The following OPCML variants were observed in gnomAD, a reference collection of about 807,000 sequenced individuals.
OPCML encodes opioid-binding protein/cell adhesion molecule.
In OPCML, 13 loss-of-function variants were observed where a neutral mutation model predicts 37.8. That is an observed-to-expected ratio of 0.34 (90% CI 0.22 to 0.55). OPCML has a LOEUF of 0.55. Among genes scored for constraint, OPCML ranks in the 20% least tolerant of loss-of-function variants. The pLI is 0.91. For missense variants in OPCML, 341 were observed against 435.6 expected (o/e 0.78, Z 1.93); for synonymous variants, 176 against 168.8 (o/e 1.04, Z -0.33).
intron 1 of OPCML, among the ~76,000 whole-genome samples, chr11:133,519,404 G>T (rs969767892): frequency 3.3e-5 from 5 of 152,194 alleles, no homozygotes; most frequent in Admixed American, 6.5e-5. Context: ...GGTGAAGCAA[G>T]TCCTACAGCA....
chr11:132,584,750 A>C (rs371153255), intron 3 of OPCML, among the ~76,000 whole-genome samples: 35 of 152,350 alleles, frequency 2.3e-4, no homozygotes, highest in South Asian at 2.3e-3. Flanking sequence ...AACTTTAGAC[A>C]AGTTAAATGT....
At chr11:133,080,301 G>A (rs1425872706) in intron 1 of OPCML, among the ~76,000 whole-genome samples, 1 of 152,102 alleles carries the variant, frequency 6.6e-6, no homozygotes, top group East Asian at 1.9e-4. Context: ...TGGTAGGTCT[G>A]GGATGATGCC....
chr11:133,233,890 G>A (rs1423047966), intron 1 of OPCML, among the ~76,000 whole-genome samples: 1 of 152,176 alleles, frequency 6.6e-6, no homozygotes, highest in Non-Finnish European at 1.5e-5. Flanking sequence ...GGTCCATGGA[G>A]CATCCCCCAC....
chr11:133,081,591 A>G (rs1371517032), intron 1 of OPCML, among the ~76,000 whole-genome samples: 1 of 152,160 alleles, frequency 6.6e-6, no homozygotes, highest in African/African-American at 2.4e-5. Context: ...GAGATGACAG[A>G]CGGAGGCTTC....
intron 2 of OPCML, among the ~76,000 whole-genome samples, chr11:132,692,863 A>G (rs749388705): frequency 3.3e-5 from 5 of 152,226 alleles, no homozygotes. Flanking sequence ...ATCATGAACC[A>G]CCTTTTCCCA....
At chr11:132,703,637 T>C (rs1041392784) in intron 2 of OPCML, among the ~76,000 whole-genome samples, 18 of 152,186 alleles carry the variant, frequency 1.2e-4, no homozygotes, top group African/African-American at 4.1e-4. Flanking sequence ...CCGGTGCATA[T>C]GTCAGTGAGC....
intron 1 of OPCML, among the ~76,000 whole-genome samples, chr11:133,267,072 TC>T (rs1941684195): frequency 6.6e-6 from 1 of 152,194 alleles, no homozygotes; most frequent in Non-Finnish European, 1.5e-5. Context: ...GTTGTTTGTT[TC>T]CCTAGAGAGG....
intron 1 of OPCML, among the ~76,000 whole-genome samples, chr11:133,343,211 G>A (rs1342216555): frequency 6.6e-6 from 1 of 152,060 alleles, no homozygotes; most frequent in East Asian, 1.9e-4. Flanking sequence ...GGTCTTAAGA[G>A]AGAGAGAAGT....
rs550229172 is a variant in OPCML at position 132,519,726 on chromosome 11, C to T, written c.505+9335G>A. 5.3e-5 allele frequency among the ~76,000 whole-genome samples: 8 copies of T among 152,218 alleles called. No individual in the cohort carries two copies. In the South Asian group the frequency reaches 1.7e-3, roughly 32 times the overall value. ...AACAGCTTGTTTGCCCATAACTGTT[C>T]CACTGAGCAAGATATGTATAACCTT... On this transcript the variant is annotated intron_variant, in intron 4 of 7. Coordinates refer to ENST00000524381, the MANE Select transcript of OPCML (RefSeq NM_001012393.5).
In OPCML at chr11:132,419,565, G is replaced by A. The variant is rs1417618726; in HGVS notation, c.*628C>T. Reference sequence around the variant, plus strand: ...CCCAAACTTCAAATCTCTGCAGATGGTGGAAGGAATGAGTAGAGCGGAGGG... The same window carrying A: ...CCCAAACTTCAAATCTCTGCAGATGATGGAAGGAATGAGTAGAGCGGAGGG... On this transcript the variant is annotated 3_prime_UTR_variant, in exon 8 of 8. Transcript: ENST00000524381. 6.6e-6 allele frequency: 1 copy of A among 152,182 alleles called. No homozygotes were observed. Among genetic ancestry groups the A allele is most frequent in the Admixed American group, 6.5e-5 (1 of 15,278 alleles). 9.4% of individuals were successfully genotyped at this position (152,182 alleles called of 1,614,324 possible). A position where few individuals can be genotyped will look rare whatever the true frequency, so the allele number is the denominator to read the frequency against.
intron 3 of OPCML, among the ~76,000 whole-genome samples, chr11:132,603,385 C>T (rs1304245300): frequency 6.6e-6 from 1 of 152,182 alleles, no homozygotes; most frequent in African/African-American, 2.4e-5. Context: ...CAGCTCCTTG[C>T]TTTCATCCTC....
chr11:132,776,837 G>A (rs114693695), intron 2 of OPCML, among the ~76,000 whole-genome samples: 2,051 of 152,170 alleles, frequency 0.013, 51 homozygotes, highest in African/African-American at 0.045. Flanking sequence ...AGCAGCTATG[G>A]AGCCAGCCTG....
intron 1 of OPCML, among the ~76,000 whole-genome samples, chr11:133,320,758 T>C (rs528528444): frequency 6.6e-6 from 1 of 152,318 alleles, no homozygotes; most frequent in African/African-American, 2.4e-5. Flanking sequence ...CCCCACAATT[T>C]AGAATTGGAT....
At chr11:133,393,242 T>C (rs1316392347) in intron 1 of OPCML, among the ~76,000 whole-genome samples, 1 of 152,206 alleles carries the variant, frequency 6.6e-6, no homozygotes, top group East Asian at 1.9e-4. Flanking sequence ...ATCAACAACA[T>C]ATATTAAATG....
Position 133,212,690 on chromosome 11 carries a change from G to C in OPCML, c.62-269680C>G, listed in dbSNP as rs111455147. Among the ~76,000 whole-genome samples the C allele has an allele frequency of 8.0e-3, 1,224 of 152,240 alleles. 8 individuals carry two copies. Among genetic ancestry groups the C allele is most frequent in the Admixed American group, 0.016 (252 of 15,300 alleles). On this transcript the variant is annotated intron_variant, in intron 1 of 7. Transcript: ENST00000524381. The surrounding 1 kb of genome is among the most constrained non-coding windows in gnomAD (Gnocchi z 4.9). ...TTGTCTGTCCTCTGCTAGAACAGAG[G>C]CTCCATGATTATATGGCTCTGTGTC...
At chr11:132,600,219 T>G (rs932344209) in intron 3 of OPCML, among the ~76,000 whole-genome samples, 2 of 152,168 alleles carry the variant, frequency 1.3e-5, no homozygotes, top group African/African-American at 4.8e-5. Context: ...TGGTGCTCTG[T>G]TCTAAGAGAT....
intron 1 of OPCML, among the ~76,000 whole-genome samples, chr11:133,202,904 T>C (rs757211818): frequency 2.0e-5 from 3 of 152,224 alleles, no homozygotes; most frequent in Non-Finnish European, 4.4e-5. Context: ...CGCTTCTGCT[T>C]ACCAGCAGTG....
chr11:132,954,112 ATTCT>A (rs1485804155), intron 1 of OPCML, among the ~76,000 whole-genome samples: 1 of 135,686 alleles, frequency 7.4e-6, no homozygotes, highest in Non-Finnish European at 1.6e-5. Flanking sequence ...TCATTCAAAC[ATTCT>A]TTCTTGGGTT....
chr11:132,604,355 G>A lies in OPCML; in HGVS notation c.379+52732C>T, dbSNP rs181874582. The stretch of plus-strand genomic sequence containing the variant: ...TAATTTCCCTTACATCTATTTGCCC[G>A]CCCTCAACCCTAACAGGCCCCTGAG... On this transcript the variant is annotated intron_variant, in intron 3 of 7. Coordinates refer to ENST00000524381, the MANE Select transcript of OPCML (RefSeq NM_001012393.5). Among the ~76,000 whole-genome samples, 23 of 151,600 alleles carry A rather than the reference G, an allele frequency of 1.5e-4. No individual in the cohort carries two copies. The South Asian group carries it at 4.0e-3, about 26-fold the overall frequency.
Sources: gnomAD v4.1 joint callset for allele counts (sites outside exome capture counted in the v4.1 genomes callset) on GRCh38, gnomAD v4.1.1 for gene constraint, Gnocchi (gnomAD v3.1) non-coding constraint, MANE v1.5 for transcripts, NCBI Gene and HGNC (gene_info 2026-07-23, HGNC 2026-07-21) for gene names.